The following MSANTD3 variants were observed in gnomAD, a reference collection of about 807,000 sequenced individuals.
The protein encoded by MSANTD3 is myb/SANT-like DNA-binding domain-containing protein 3.
In MSANTD3, 11 loss-of-function variants were observed where a neutral mutation model predicts 27.7. That is an observed-to-expected ratio of 0.40 (90% CI 0.25 to 0.66). The LOEUF is 0.66. MSANTD3 is among the 30% of genes least tolerant of loss of function. The probability of loss-of-function intolerance (pLI) is 0.41; values close to 1 mark genes in which losing one functional copy is unlikely to be tolerated. For missense variants in MSANTD3, 250 were observed against 336.5 expected (o/e 0.74, Z 2.01); for synonymous variants, 131 against 127.2 (o/e 1.03, Z -0.20).
intron 2 of MSANTD3, chr9:100,448,917 T>C (rs191082921): frequency 2.0e-6 from 2 of 985,074 alleles, no homozygotes; most frequent in African/African-American, 3.5e-5. Flanking sequence ...CTAGTTATGA[T>C]TGTTACTTTA....
At chr9:100,449,362 C>T (rs1412110293) in intron 2 of MSANTD3, among the ~76,000 whole-genome samples, 1 of 152,102 alleles carries the variant, frequency 6.6e-6, no homozygotes, top group Non-Finnish European at 1.5e-5. Context: ...GTGTACCAAA[C>T]AAAGTAATTA....
chr9:100,440,780 C>CTTTTTT (rs529362356), intron 1 of MSANTD3, among the ~76,000 whole-genome samples: 1 of 85,702 alleles, frequency 1.2e-5, no homozygotes, highest in Non-Finnish European at 2.2e-5. Context: ...TTTTTCTTCC[C>CTTTTTT]TTTTTTTTTT....
chr9:100,435,607 G>A (rs545921663), intron 1 of MSANTD3, among the ~76,000 whole-genome samples: 1 of 152,332 alleles, frequency 6.6e-6, no homozygotes, highest in Non-Finnish European at 1.5e-5. Flanking sequence ...GTGTTGGCAA[G>A]TTAGATTTCA....
chr9:100,434,271 C>A (rs1024521237), intron 1 of MSANTD3, among the ~76,000 whole-genome samples: 1 of 152,238 alleles, frequency 6.6e-6, no homozygotes, highest in African/African-American at 2.4e-5. Context: ...CACCTGTAAT[C>A]CTAATCCCAA....
rs1419806764 is a variant in MSANTD3, at chr9:100,442,147, TGAA to T, written c.214_216del (p.Lys72del). 1 of 1,614,106 alleles carries T rather than the reference TGAA, an allele frequency of 6.2e-7. No homozygotes were observed. The highest frequency in any genetic ancestry group is 8.5e-7 in the Non-Finnish European group (1 of 1,180,018). Reference sequence around the variant, plus strand: ...GTGTCCCTGCGGGATTTCAAACAGCTGAAGAAGTGCTGGGAGAACATCAAGGCT... The same window carrying T: ...GTGTCCCTGCGGGATTTCAAACAGCTGAAGTGCTGGGAGAACATCAAGGCT... On this transcript the variant is annotated inframe_deletion, in exon 2 of 3. Transcript: ENST00000395067.
At chr9:100,439,299 G>A (rs113557625) in intron 1 of MSANTD3, among the ~76,000 whole-genome samples, 21 of 152,150 alleles carry the variant, frequency 1.4e-4, no homozygotes, top group Non-Finnish European at 2.6e-4. Flanking sequence ...GGCATAGTGC[G>A]TGAGTAGCCG....
intron 1 of MSANTD3, among the ~76,000 whole-genome samples, chr9:100,430,085 C>T (rs1365084844): frequency 1.4e-5 from 2 of 141,428 alleles, no homozygotes; most frequent in Non-Finnish European, 3.0e-5. Flanking sequence ...CTAGTCTCTC[C>T]TCTCTCTCTC....
rs1484079525 is a variant in MSANTD3, at chr9:100,451,236, G to A, written c.*270G>A. 5.8e-6 allele frequency: 2 copies of A among 342,660 alleles called. No homozygotes were observed. Among genetic ancestry groups the A allele is most frequent in the African/African-American group, 2.1e-5 (1 of 47,254 alleles). 21.2% of individuals were successfully genotyped at this position (342,660 alleles called of 1,614,324 possible). ...TAATTAGAATTCATACAAGAACCAC[G>A]TGTGAGTGTTGTTGTTGTTGTTTTT... On this transcript the variant is annotated 3_prime_UTR_variant, in exon 3 of 3. Coordinates refer to ENST00000395067, the MANE Select transcript of MSANTD3 (RefSeq NM_080655.3).
At chr9:100,429,426 G>A (rs986970999) in intron 1 of MSANTD3, 2 of 152,204 alleles carry the variant, frequency 1.3e-5, no homozygotes, top group African/African-American at 4.8e-5. Context: ...ACAAATGTCT[G>A]CTGAGCACCA....
At chr9:100,439,836 CAT>C (rs1457333549) in intron 1 of MSANTD3, among the ~76,000 whole-genome samples, 1 of 151,978 alleles carries the variant, frequency 6.6e-6, no homozygotes, top group African/African-American at 2.4e-5. Context: ...AATTTTTTGA[CAT>C]GATTGGTCAG....
chr9:100,446,711 C>T, intron 2 of MSANTD3, among the ~76,000 whole-genome samples: 1 of 151,994 alleles, frequency 6.6e-6, no homozygotes, highest in Non-Finnish European at 1.5e-5. Flanking sequence ...CCTGTAATCC[C>T]AGCTACTTGG....
At chr9:100,428,844 G>A (rs1338032001) in intron 1 of MSANTD3, among the ~76,000 whole-genome samples, 2 of 152,208 alleles carry the variant, frequency 1.3e-5, no homozygotes, top group Admixed American at 1.3e-4. Context: ...CACTGGGTTA[G>A]AGAAGTAATG....
At chr9:100,447,510 G>C (rs1193353818) in intron 2 of MSANTD3, among the ~76,000 whole-genome samples, 2 of 152,170 alleles carry the variant, frequency 1.3e-5, no homozygotes, top group African/African-American at 4.8e-5. Flanking sequence ...AGATCAAAAT[G>C]CAGGATACAC....
At chr9:100,432,605 G>A (rs905960260) in intron 1 of MSANTD3, among the ~76,000 whole-genome samples, 2 of 152,212 alleles carry the variant, frequency 1.3e-5, no homozygotes, top group African/African-American at 4.8e-5. Context: ...TTTATTGAGT[G>A]CTTGATGTAC....
rs142790635 is a variant in MSANTD3, at chr9:100,434,107, TTC to T, written c.-34+6720_-34+6721del. ...ATCTCCTTGATCTTAAGGAATACCA[TTC>T]TCTCTGATGCCTGCACAAAGTAGGT... On this transcript the variant is annotated intron_variant, in intron 1 of 2. Coordinates refer to ENST00000395067, the MANE Select transcript of MSANTD3 (RefSeq NM_080655.3). Among the ~76,000 whole-genome samples the T allele has an allele frequency of 6.7e-3, 1,023 of 152,324 alleles. 7 individuals carry two copies. The highest frequency in any genetic ancestry group is 0.024 in the African/African-American group (991 of 41,570).
At chr9:100,429,426 G>C (rs986970999) in intron 1 of MSANTD3, 2 of 152,204 alleles carry the variant, frequency 1.3e-5, no homozygotes, top group Non-Finnish European at 2.9e-5. Flanking sequence ...ACAAATGTCT[G>C]CTGAGCACCA....
intron 1 of MSANTD3, among the ~76,000 whole-genome samples, chr9:100,438,337 C>T (rs1178589374): frequency 6.6e-6 from 1 of 152,100 alleles, no homozygotes; most frequent in Non-Finnish European, 1.5e-5. Context: ...GGGGATATAA[C>T]ATAAGTCTTA....
intron 1 of MSANTD3, among the ~76,000 whole-genome samples, chr9:100,436,434 C>T (rs1301075132): frequency 1.3e-5 from 2 of 152,266 alleles, no homozygotes; most frequent in East Asian, 3.9e-4. Flanking sequence ...TTGTGAGGGT[C>T]ACTGGGCTGC....
At chr9:100,436,628 A>G (rs1210979923) in intron 1 of MSANTD3, among the ~76,000 whole-genome samples, 1 of 152,192 alleles carries the variant, frequency 6.6e-6, no homozygotes, top group Non-Finnish European at 1.5e-5. Flanking sequence ...ACAATTGATG[A>G]ATAGTTTTAA....
Sources: allele counts gnomAD v4.1 joint callset (sites outside exome capture counted in the v4.1 genomes callset), GRCh38; gene constraint gnomAD v4.1.1; transcripts MANE v1.5; gene names NCBI Gene and HGNC (gene_info 2026-07-23, HGNC 2026-07-21).